The following ZDHHC20 variants were observed in gnomAD, a reference collection of about 807,000 sequenced individuals.
The protein encoded by ZDHHC20 is zDHHC palmitoyltransferase 20.
A neutral mutation model predicts 57.8 loss-of-function variants in ZDHHC20; 43 were observed. That is an observed-to-expected ratio of 0.74 (90% CI 0.58 to 0.96). The LOEUF is 0.96. Ranked by LOEUF, ZDHHC20 falls within the 40% of genes least tolerant of loss-of-function variation. The pLI, the probability that ZDHHC20 is intolerant of heterozygous loss-of-function variation, is 0.00. For missense variants in ZDHHC20, 391 were observed against 441.1 expected (o/e 0.89, Z 1.02); for synonymous variants, 157 against 153.0 (o/e 1.03, Z -0.19).
Position 21,443,346 on chromosome 13 carries a change from C to T in ZDHHC20, c.118+15708G>A, listed in dbSNP as rs762977165. Among the ~76,000 whole-genome samples, 16 of 152,164 alleles carry T rather than the reference C, an allele frequency of 1.1e-4. 1 individual carries two copies. Among genetic ancestry groups the T allele is most frequent in the Non-Finnish European group, 1.5e-4 (10 of 68,034 alleles). Reference sequence around the variant, plus strand: ...TTACAGACCTGTTTTCAGTATTTCCCACTCGGGATAGGGTTCTCATCTTCT... The same window carrying T: ...TTACAGACCTGTTTTCAGTATTTCCTACTCGGGATAGGGTTCTCATCTTCT... On this transcript the variant is annotated intron_variant, in intron 1 of 12. Coordinates refer to ENST00000400590, the MANE Select transcript of ZDHHC20 (RefSeq NM_001330059.2).
At chr13:21,446,855 TTTC>T (rs1883754898) in intron 1 of ZDHHC20, among the ~76,000 whole-genome samples, 1 of 152,132 alleles carries the variant, frequency 6.6e-6, no homozygotes. Flanking sequence ...AGAAAATAGA[TTTC>T]TTAAGCTAGA....
At position 21,450,879 on chromosome 13, in the gene ZDHHC20, C is replaced by T. The variant is rs560379836; in HGVS notation, c.118+8175G>A. Among the ~76,000 whole-genome samples the T allele has an allele frequency of 3.9e-5, 6 of 152,126 alleles. No homozygotes were observed. In the South Asian group the frequency reaches 1.2e-3, roughly 32 times the overall value. On this transcript the variant is annotated intron_variant, in intron 1 of 12. Transcript: ENST00000400590. ...AAGTAATCCTCCTGCTTCAGCCTCC[C>T]AAGTAGCTGGGACTACAGGTGGGTA...
At chr13:21,422,192 C>A (rs1880719220) in intron 2 of ZDHHC20, among the ~76,000 whole-genome samples, 1 of 150,578 alleles carries the variant, frequency 6.6e-6, no homozygotes, top group Non-Finnish European at 1.5e-5. Context: ...AAATTTGGTC[C>A]TTTTTGTGCA....
chr13:21,455,058 C>A (rs984298560), intron 1 of ZDHHC20, among the ~76,000 whole-genome samples: 5 of 152,110 alleles, frequency 3.3e-5, no homozygotes, highest in Admixed American at 1.3e-4. Flanking sequence ...GTAGCTGGGA[C>A]TACAGGCACC....
chr13:21,376,780 A>T (rs1208766827), intron 12 of ZDHHC20, 125 bp from the exon 13 acceptor site: 3 of 523,294 alleles, frequency 5.7e-6, no homozygotes, highest in Non-Finnish European at 9.9e-6. Flanking sequence ...TGAATTCCTT[A>T]ACACTACTAA....
At chr13:21,432,597 G>T (rs1217874865) in intron 1 of ZDHHC20, among the ~76,000 whole-genome samples, 3 of 152,096 alleles carry the variant, frequency 2.0e-5, no homozygotes, top group Non-Finnish European at 4.4e-5. Context: ...CTCCCAAAGT[G>T]CTGGGATTAC....
intron 1 of ZDHHC20, among the ~76,000 whole-genome samples, chr13:21,425,951 A>G (rs1881197135): frequency 6.6e-6 from 1 of 152,176 alleles, no homozygotes; most frequent in South Asian, 2.1e-4. Context: ...TATAGCTGCA[A>G]TGTTTTCTTT....
chr13:21,405,544 T>C (rs1878319722), intron 4 of ZDHHC20, among the ~76,000 whole-genome samples: 3 of 152,174 alleles, frequency 2.0e-5, no homozygotes, highest in Non-Finnish European at 4.4e-5. Context: ...TGATTTTGGG[T>C]GTGTTGAAAT....
rs189898904 is a variant in ZDHHC20 at position 21,388,344 on chromosome 13, A to G, written c.728-710T>C. On this transcript the variant is annotated intron_variant, in intron 8 of 12. Coordinates refer to ENST00000400590, the MANE Select transcript of ZDHHC20 (RefSeq NM_001330059.2). The stretch of plus-strand genomic sequence containing the variant: ...AAGGATAAGAACCCAGGGCATTGGG[A>G]GGGATTGCTGATATAAAAAAGTAAA... Among the ~76,000 whole-genome samples, 28 of 152,264 alleles carry G rather than the reference A, an allele frequency of 1.8e-4. No homozygotes were observed. The East Asian group carries it at 5.4e-3, about 29-fold the overall frequency.
intron 1 of ZDHHC20, among the ~76,000 whole-genome samples, chr13:21,442,123 T>C (rs1883237450): frequency 1.3e-5 from 2 of 152,238 alleles, no homozygotes; most frequent in African/African-American, 4.8e-5. Flanking sequence ...TGTTGGACTT[T>C]TCAAATTCCT....
chr13:21,408,430 G>A (rs150781245), intron 4 of ZDHHC20, among the ~76,000 whole-genome samples: 5,149 of 152,172 alleles, frequency 0.034, 275 homozygotes, highest in African/African-American at 0.11. Context: ...TATTATTGGC[G>A]TATAGGAATG....
chr13:21,410,172 A>T (rs1879015642), intron 4 of ZDHHC20, among the ~76,000 whole-genome samples: 1 of 152,150 alleles, frequency 6.6e-6, no homozygotes, highest in Non-Finnish European at 1.5e-5. Flanking sequence ...AGTTTGCTGG[A>T]AGTCCACTCC....
chr13:21,424,290 G>A (rs1240093856), intron 2 of ZDHHC20, among the ~76,000 whole-genome samples: 1 of 152,114 alleles, frequency 6.6e-6, no homozygotes, highest in Non-Finnish European at 1.5e-5. Flanking sequence ...AGTTAACTGA[G>A]AAAATTAAAT....
intron 1 of ZDHHC20, among the ~76,000 whole-genome samples, chr13:21,437,497 T>C (rs992358886): frequency 9.2e-5 from 14 of 152,198 alleles, no homozygotes; most frequent in African/African-American, 2.7e-4. Context: ...AGGAAGTCAA[T>C]GTCCAGCTTC....
chr13:21,426,388 A>G (rs1003985860), intron 1 of ZDHHC20, among the ~76,000 whole-genome samples: 1 of 152,114 alleles, frequency 6.6e-6, no homozygotes, highest in African/African-American at 2.4e-5. Flanking sequence ...CCTATTCTTC[A>G]GTCCCTCCCC....
chr13:21,398,821 A>C (rs926873109), intron 7 of ZDHHC20, among the ~76,000 whole-genome samples: 3 of 152,180 alleles, frequency 2.0e-5, no homozygotes, highest in African/African-American at 7.2e-5. Context: ...TAGCAACTGG[A>C]AACAGGGGAA....
chr13:21,389,919 A>AT (rs1875351177), intron 8 of ZDHHC20, among the ~76,000 whole-genome samples: 1 of 152,184 alleles, frequency 6.6e-6, no homozygotes, highest in African/African-American at 2.4e-5. Context: ...CCTTTTTATC[A>AT]TTTTCAATTA....
intron 4 of ZDHHC20, among the ~76,000 whole-genome samples, chr13:21,410,990 G>A (rs891422539): frequency 2.6e-5 from 4 of 152,228 alleles, no homozygotes; most frequent in Non-Finnish European, 5.9e-5. Flanking sequence ...CCCTGGTGGT[G>A]TAGGCACCCG....
intron 8 of ZDHHC20, among the ~76,000 whole-genome samples, chr13:21,390,711 G>A (rs1450198951): frequency 6.6e-6 from 1 of 152,004 alleles, no homozygotes; most frequent in Non-Finnish European, 1.5e-5. Flanking sequence ...ACAGGCCTGG[G>A]CAACGTAGCA....
Sources: allele counts gnomAD v4.1 joint callset (sites outside exome capture counted in the v4.1 genomes callset), GRCh38; gene constraint gnomAD v4.1.1; transcripts MANE v1.5; gene names NCBI Gene and HGNC (gene_info 2026-07-23, HGNC 2026-07-21).